The following TRPC3 variants were observed in gnomAD, a reference collection of about 807,000 sequenced individuals.
TRPC3 encodes the protein transient receptor potential cation channel subfamily C member 3.
A neutral mutation model predicts 90.9 loss-of-function variants in TRPC3; 54 were observed. The ratio of observed to expected loss-of-function variants is 0.59; its 90% confidence interval spans 0.48 to 0.75. The LOEUF (loss-of-function observed/expected upper bound fraction) is 0.75, where lower values mean the gene tolerates loss of function less well. Ranked by LOEUF, TRPC3 falls within the 30% of genes least tolerant of loss-of-function variation. The pLI, the probability that TRPC3 is intolerant of heterozygous loss-of-function variation, is 0.00. For synonymous variants in TRPC3, 424 were observed against 450.9 expected (o/e 0.94, Z 0.75); for missense variants, 918 against 1,194.5 (o/e 0.77, Z 3.41).
At chr4:121,917,348 C>T (rs941886699) in intron 3 of TRPC3, among the ~76,000 whole-genome samples, 1 of 152,174 alleles carries the variant, frequency 6.6e-6, no homozygotes, top group African/African-American at 2.4e-5. Context: ...CTCCAAACTT[C>T]CACTTCTGCT....
chr4:121,935,682 G>A (rs1730107244), intron 1 of TRPC3, among the ~76,000 whole-genome samples: 1 of 151,946 alleles, frequency 6.6e-6, no homozygotes, highest in South Asian at 2.1e-4. Flanking sequence ...ATTATATATT[G>A]ATGAGAGGAA....
chr4:121,882,436 G>A lies in TRPC3; in HGVS notation c.2548-7C>T. On this transcript the variant is annotated splice_region_variant and splice_polypyrimidine_tract_variant and intron_variant, in intron 10 of 11. Coordinates refer to ENST00000379645, the MANE Select transcript of TRPC3 (RefSeq NM_001130698.2). Reference sequence around the variant, plus strand: ...TAAGTCTTTTCATTATCTGCTGTTGGGCAAAAGTAAATGATTAGATCTCCA... The same window carrying A: ...TAAGTCTTTTCATTATCTGCTGTTGAGCAAAAGTAAATGATTAGATCTCCA... 1.2e-6 allele frequency: 2 copies of A among 1,607,480 alleles called. No individual in the cohort carries two copies. Among genetic ancestry groups the A allele is most frequent in the Non-Finnish European group, 1.7e-6 (2 of 1,177,330 alleles).
At chr4:121,922,892 T>C (rs1230766514) in intron 3 of TRPC3, among the ~76,000 whole-genome samples, 1 of 152,242 alleles carries the variant, frequency 6.6e-6, no homozygotes, top group African/African-American at 2.4e-5. Flanking sequence ...TAACATACTT[T>C]CCTTGAAAAG....
At chr4:121,910,462 C>T in intron 5 of TRPC3, 75 bp from the exon 6 acceptor site, 1 of 1,134,344 alleles carries the variant, frequency 8.8e-7, no homozygotes, top group Non-Finnish European at 1.3e-6. Flanking sequence ...TGTCCACCAT[C>T]AGGTCACATC....
chr4:121,884,081 T>C lies in TRPC3; in HGVS notation c.2548-1652A>G, dbSNP rs369551577. On this transcript the variant is annotated intron_variant, in intron 10 of 11. Coordinates refer to ENST00000379645, the MANE Select transcript of TRPC3 (RefSeq NM_001130698.2). ...TTGCAGTATTTTCAATGTAATGTTA[T>C]TGTGTTCATTAATGAAATTAATGCA... Among the ~76,000 whole-genome samples, 71 of 152,308 alleles carry C rather than the reference T, an allele frequency of 4.7e-4. No individual in the cohort carries two copies. The South Asian group carries it at 0.015, about 31-fold the overall frequency.
chr4:121,895,136 T>C (rs1728474818), intron 10 of TRPC3, among the ~76,000 whole-genome samples: 5 of 151,662 alleles, frequency 3.3e-5, no homozygotes, highest in Admixed American at 3.3e-4. Flanking sequence ...AAATACAACA[T>C]ACCAACACCC....
chr4:121,880,537 T>C (rs1259448831), intron 11 of TRPC3, among the ~76,000 whole-genome samples: 2 of 152,190 alleles, frequency 1.3e-5, no homozygotes, highest in African/African-American at 4.8e-5. Flanking sequence ...TAGGAGAGTT[T>C]GGGCTATAAA....
At chr4:121,908,585 A>C (rs13119958) in intron 6 of TRPC3, among the ~76,000 whole-genome samples, 44,431 of 152,028 alleles carry the variant, frequency 0.29, 6,947 homozygotes, top group East Asian at 0.43. Context: ...CAGCAACATG[A>C]ATGCAGCTGG....
chr4:121,893,747 A>T (rs149322240), intron 10 of TRPC3, among the ~76,000 whole-genome samples: 93 of 152,304 alleles, frequency 6.1e-4, no homozygotes, highest in Admixed American at 1.5e-3. Context: ...CATAACACAA[A>T]GGCTAATATT....
intron 4 of TRPC3, among the ~76,000 whole-genome samples, chr4:121,913,036 C>A (rs1246364637): frequency 6.6e-6 from 1 of 152,186 alleles, no homozygotes; most frequent in East Asian, 1.9e-4. Context: ...TAACTCCAAA[C>A]AAATGTTTTT....
intron 8 of TRPC3, 104 bp from the exon 9 acceptor site, chr4:121,903,165 T>A: frequency 1.0e-6 from 1 of 955,392 alleles, no homozygotes; most frequent in Non-Finnish European, 1.5e-6. Flanking sequence ...GTTTTTGAAA[T>A]AGGTAACTTA....
intron 10 of TRPC3, among the ~76,000 whole-genome samples, chr4:121,882,666 T>C (rs1421032509): frequency 6.6e-6 from 1 of 152,166 alleles, no homozygotes; most frequent in East Asian, 1.9e-4. Flanking sequence ...GAAGAAGCTT[T>C]TAAAAAGAAG....
chr4:121,947,840 A>C (rs1376947403), intron 1 of TRPC3, among the ~76,000 whole-genome samples: 1 of 152,260 alleles, frequency 6.6e-6, no homozygotes, highest in African/African-American at 2.4e-5. Flanking sequence ...AACATTGCTG[A>C]AAAATCTAAT....
chr4:121,925,953 T>C (rs78894507), intron 2 of TRPC3, among the ~76,000 whole-genome samples: 5,591 of 152,296 alleles, frequency 0.037, 352 homozygotes, highest in African/African-American at 0.13. Flanking sequence ...CATTTCTACA[T>C]TGGAAATTTT....
Position 121,951,166 on chromosome 4 carries a change from G to T in TRPC3, c.215+300C>A, listed in dbSNP as rs72919988. 3.1e-3 allele frequency among the ~76,000 whole-genome samples: 477 copies of T among 152,324 alleles called. 3 individuals carry two copies. The highest frequency in any genetic ancestry group is 0.011 in the African/African-American group (463 of 41,582). On this transcript the variant is annotated intron_variant, in intron 1 of 11. Transcript: ENST00000379645. The surrounding 1 kb of genome is among the most constrained non-coding windows in gnomAD (Gnocchi z 4.4). ...GCTCTAATACAGGGAGTGGCTGCTC[G>T]CCAGGATGCTTGTCTGAAGTCAGTG...
intron 3 of TRPC3, among the ~76,000 whole-genome samples, chr4:121,922,008 T>A (rs1055450713): frequency 6.7e-5 from 10 of 149,648 alleles, no homozygotes; most frequent in Admixed American, 4.7e-4. Flanking sequence ...AAGCTCCGCC[T>A]TCCGGGTTCA....
Position 121,876,418 on chromosome 4 carries a change from C to A in TRPC3, c.*3318G>T, listed in dbSNP as rs1727765051. ...ACTAGGAACCCCTGATGTAGCATAA[C>A]CCTGTTTGCCTGAACCATTTATGAA... On this transcript the variant is annotated 3_prime_UTR_variant, in exon 12 of 12. Coordinates refer to ENST00000379645, the MANE Select transcript of TRPC3 (RefSeq NM_001130698.2). Among the ~76,000 whole-genome samples, 1 of 152,160 alleles carries A rather than the reference C, an allele frequency of 6.6e-6. No homozygotes were observed. The highest frequency in any genetic ancestry group is 2.1e-4 in the South Asian group (1 of 4,820).
chr4:121,929,520 T>C (rs1701271117), intron 2 of TRPC3, among the ~76,000 whole-genome samples: 1 of 152,230 alleles, frequency 6.6e-6, no homozygotes, highest in African/African-American at 2.4e-5. Flanking sequence ...ACCAAGAGTC[T>C]ATCTTTCCAA....
At chr4:121,942,635 G>T (rs528141104) in intron 1 of TRPC3, among the ~76,000 whole-genome samples, 21 of 152,288 alleles carry the variant, frequency 1.4e-4, no homozygotes, top group Non-Finnish European at 2.8e-4. Flanking sequence ...TTTGGCATTT[G>T]CCCTAATGAC....
Sources: allele counts gnomAD v4.1 joint callset (sites outside exome capture counted in the v4.1 genomes callset), GRCh38; gene constraint gnomAD v4.1.1; non-coding constraint Gnocchi (gnomAD v3.1); transcripts MANE v1.5; gene names NCBI Gene and HGNC (gene_info 2026-07-23, HGNC 2026-07-21).